The following WWOX variants were observed in gnomAD, a reference collection of about 807,000 sequenced individuals.
WWOX encodes WW domain containing oxidoreductase.
Under a neutral mutation model 46.2 loss-of-function variants are expected in WWOX, and 69 were observed. The observed-to-expected ratio is 1.49, with a 90% CI of 1.23 to 1.82. The LOEUF (loss-of-function observed/expected upper bound fraction) is 1.82. Ranked by LOEUF, WWOX falls within the 40% of genes most tolerant of loss-of-function variation. The pLI is 0.00. For missense variants in WWOX, 919 were observed against 542.6 expected, an observed-to-expected ratio of 1.69 and a Z score of -6.89; for synonymous variants, 359 against 202.6, an observed-to-expected ratio of 1.77 and a Z score of -6.56.
intron 8 of WWOX, among the ~76,000 whole-genome samples, chr16:78,516,367 G>C (rs2151492526): frequency 6.6e-6 from 1 of 152,302 alleles, no homozygotes; most frequent in South Asian, 2.1e-4. Context: ...CAGTTAAAGA[G>C]AGAACCCACT....
intron 5 of WWOX, among the ~76,000 whole-genome samples, chr16:78,351,953 A>G (rs1460096880): frequency 6.6e-6 from 1 of 152,186 alleles, no homozygotes; most frequent in Non-Finnish European, 1.5e-5. Context: ...CACCACGCCC[A>G]GCAGTATGTT....
intron 4 of WWOX, among the ~76,000 whole-genome samples, chr16:78,159,038 C>T (rs535093984): frequency 6.6e-6 from 1 of 152,106 alleles, no homozygotes; most frequent in African/African-American, 2.4e-5. Context: ...ATTTGTCCTT[C>T]TGTGTCTGGC....
intron 8 of WWOX, among the ~76,000 whole-genome samples, chr16:79,144,523 C>G (rs1040503395): frequency 2.0e-5 from 3 of 152,200 alleles, no homozygotes; most frequent in African/African-American, 7.2e-5. Flanking sequence ...CTTTTCTACT[C>G]TATTTCAGCT....
At chr16:78,691,543 C>CA (rs1288824812) in intron 8 of WWOX, among the ~76,000 whole-genome samples, 1 of 151,632 alleles carries the variant, frequency 6.6e-6, no homozygotes, top group African/African-American at 2.4e-5. Flanking sequence ...CCTGTCTCTA[C>CA]AAAAAATAAA....
intron 8 of WWOX, among the ~76,000 whole-genome samples, chr16:78,467,225 C>G (rs1876302855): frequency 6.6e-6 from 1 of 152,122 alleles, no homozygotes; most frequent in Admixed American, 6.5e-5. Context: ...TTTCCCCTTT[C>G]TGGCAGAGGG....
intron 8 of WWOX, among the ~76,000 whole-genome samples, chr16:78,834,155 A>G (rs1274801472): frequency 6.6e-6 from 1 of 152,196 alleles, no homozygotes; most frequent in Admixed American, 6.5e-5. Flanking sequence ...CTGAATAACA[A>G]CAGGATAGGA....
At chr16:79,032,681 T>C (rs9285361) in intron 8 of WWOX, among the ~76,000 whole-genome samples, 65,321 of 138,780 alleles carry the variant, frequency 0.47, 15,017 homozygotes, top group East Asian at 0.67. Flanking sequence ...TATATATATA[T>C]ACACACACAC....
intron 8 of WWOX, among the ~76,000 whole-genome samples, chr16:78,767,121 C>T (rs2049942057): frequency 8.2e-6 from 1 of 121,406 alleles, no homozygotes; most frequent in Non-Finnish European, 1.6e-5. Context: ...TTCCTTCTTT[C>T]CTTCCTTCCT....
chr16:78,100,780 C>G (rs987887237), intron 1 of WWOX, among the ~76,000 whole-genome samples: 13 of 152,196 alleles, frequency 8.5e-5, no homozygotes, highest in Admixed American at 4.6e-4. Flanking sequence ...CCTTAACTGT[C>G]GTTCCTTGAT....
At chr16:78,357,446 ATGAT>A (rs1432504594) in intron 5 of WWOX, among the ~76,000 whole-genome samples, 2 of 152,190 alleles carry the variant, frequency 1.3e-5, no homozygotes, top group Non-Finnish European at 2.9e-5. Context: ...CAATCAATGA[ATGAT>A]TGATTGAATC....
intron 8 of WWOX, among the ~76,000 whole-genome samples, chr16:78,809,613 G>C (rs900348811): frequency 2.3e-4 from 35 of 152,152 alleles, no homozygotes; most frequent in Admixed American, 1.6e-3. Flanking sequence ...CAGTTTTTCA[G>C]AAACTCCAGA....
intron 8 of WWOX, among the ~76,000 whole-genome samples, chr16:78,443,567 T>C (rs1293989545): frequency 6.6e-6 from 1 of 152,190 alleles, no homozygotes; most frequent in African/African-American, 2.4e-5. Flanking sequence ...CCTTGCTTTA[T>C]AGTGTTTTAA....
At chr16:78,999,412 G>A (rs183032148) in intron 8 of WWOX, among the ~76,000 whole-genome samples, 110 of 152,252 alleles carry the variant, frequency 7.2e-4, no homozygotes, top group African/African-American at 2.5e-3. Flanking sequence ...GGAAGTTGCG[G>A]TGAGCCGAGA....
chr16:79,179,154 A>G (rs2050859965), intron 8 of WWOX, among the ~76,000 whole-genome samples: 1 of 152,216 alleles, frequency 6.6e-6, no homozygotes, highest in Non-Finnish European at 1.5e-5. Context: ...CAAAACCTGG[A>G]AGGGACATAA....
At position 78,444,416 on chromosome 16, in the gene WWOX, A is replaced by G. The variant is rs551414716; in HGVS notation, c.1056+11664A>G. On this transcript the variant is annotated intron_variant, in intron 8 of 8. Transcript: ENST00000566780. ...AAAGGAGACTAACATGGGCCCACAG[A>G]CATTGTATTTCATAAATTTTGGATG... is the stretch of plus-strand genomic sequence containing the variant. Among the ~76,000 whole-genome samples the G allele has an allele frequency of 2.0e-3, 306 of 152,314 alleles. 1 individual carries two copies. Among genetic ancestry groups the G allele is most frequent in the Non-Finnish European group, 3.5e-3 (236 of 68,028 alleles).
At chr16:79,209,146 G>C (rs745774673) in intron 8 of WWOX, among the ~76,000 whole-genome samples, 1 of 152,144 alleles carries the variant, frequency 6.6e-6, no homozygotes, top group Non-Finnish European at 1.5e-5. Context: ...AAAAAGTTAG[G>C]CTTTTCAAAA....
At chr16:78,597,014 C>G (rs539493567) in intron 8 of WWOX, among the ~76,000 whole-genome samples, 1 of 152,214 alleles carries the variant, frequency 6.6e-6, no homozygotes, top group Non-Finnish European at 1.5e-5. Context: ...CTCCAGCATG[C>G]GATCCCCTCC....
chr16:78,979,373 G>T (rs2046636277), intron 8 of WWOX, among the ~76,000 whole-genome samples: 1 of 152,158 alleles, frequency 6.6e-6, no homozygotes, highest in East Asian at 1.9e-4. Context: ...AACTGCTTCT[G>T]TTATTAACAT....
At chr16:78,772,205 T>G (rs1305433911) in intron 8 of WWOX, among the ~76,000 whole-genome samples, 1 of 152,212 alleles carries the variant, frequency 6.6e-6, no homozygotes, top group Non-Finnish European at 1.5e-5. Flanking sequence ...CCCTCTACCC[T>G]CAGGCAGGCC....
Sources: allele counts gnomAD v4.1 joint callset (sites outside exome capture counted in the v4.1 genomes callset), GRCh38; gene constraint gnomAD v4.1.1; transcripts MANE v1.5; gene names NCBI Gene and HGNC (gene_info 2026-07-23, HGNC 2026-07-21).